The following HECW1 variants were observed in gnomAD, a reference collection of about 807,000 sequenced individuals.
HECW1 encodes the protein HECT, C2 and WW domain containing E3 ubiquitin protein ligase 1, also known as E3 ubiquitin-protein ligase HECW1.
Under a neutral mutation model 182.3 loss-of-function variants are expected in HECW1, and 61 were observed. That is an observed-to-expected ratio of 0.33 (90% CI 0.27 to 0.41). HECW1 has a LOEUF of 0.41. Ranked by LOEUF, HECW1 falls within the 10% of genes least tolerant of loss-of-function variation. The pLI is 1.00. For missense variants in HECW1, 1,739 were observed against 2,108.9 expected (o/e 0.82, Z 3.44); for synonymous variants, 859 against 832.6 (o/e 1.03, Z -0.55).
At chr7:43,350,437 C>T (rs1312047402) in intron 5 of HECW1, among the ~76,000 whole-genome samples, 1 of 152,136 alleles carries the variant, frequency 6.6e-6, no homozygotes, top group Admixed American at 6.5e-5. Flanking sequence ...AAGTTTTCCT[C>T]AATTATTCCC....
Position 43,445,135 on chromosome 7 carries a change from G to C in HECW1, c.1963G>C (p.Gly655Arg). The change falls in exon 11 of 30, where the codon GGG (glycine) becomes CGG (arginine). Residue 655 changes from glycine to arginine, a missense_variant. Gly to Arg is a moderately radical substitution (Grantham distance 125). Around this residue, in one of 5 missense-constraint regions of HECW1, gnomAD observed 971 missense variants for 1,029.1 expected, o/e 0.94. Coordinates refer to ENST00000395891, the MANE Select transcript of HECW1 (RefSeq NM_015052.5). ...AQDGDTHPST[G>R]SESDSSPRQG... ...GGATGGCGACACGCACCCCAGCACC[G>C]GGAGCGAGAGCGACTCCAGCCCCAG... 1.2e-6 allele frequency: 2 copies of C among 1,609,716 alleles called. No individual in the cohort carries two copies. The highest frequency in any genetic ancestry group is 1.7e-6 in the Non-Finnish European group (2 of 1,178,768).
chr7:43,247,424 G>A (rs913794089), intron 3 of HECW1, among the ~76,000 whole-genome samples: 1 of 152,154 alleles, frequency 6.6e-6, no homozygotes, highest in African/African-American at 2.4e-5. Context: ...ATAGCGGGAG[G>A]ATAGCTTGAG....
chr7:43,241,226 T>TAGA (rs1366951761), intron 2 of HECW1: 3 of 151,360 alleles, frequency 2.0e-5, no homozygotes, highest in South Asian at 4.2e-4. Context: ...GAGCAGGGAG[T>TAGA]AGAAGCACTC....
At chr7:43,324,750 A>G (rs1301552173) in intron 5 of HECW1, among the ~76,000 whole-genome samples, 2 of 152,266 alleles carry the variant, frequency 1.3e-5, no homozygotes, top group African/African-American at 4.8e-5. Context: ...CCAGATTTTA[A>G]ACATTGAAGT....
chr7:43,396,892 A>G lies in HECW1; in HGVS notation c.631+3A>G. The G allele has an allele frequency of 2.5e-6, 4 of 1,608,252 alleles. No homozygotes were observed. The highest frequency in any genetic ancestry group is 1.7e-6 in the Non-Finnish European group (2 of 1,175,546). ...GCTGATCAGCTTCTCTCTCTCAGGT[A>G]TGTTTTGCTCACCTGAGACTTTGTG... On this transcript the variant is annotated splice_donor_region_variant and intron_variant, in intron 7 of 29. Coordinates refer to ENST00000395891, the MANE Select transcript of HECW1 (RefSeq NM_015052.5).
intron 2 of HECW1, among the ~76,000 whole-genome samples, chr7:43,215,184 T>G (rs942093059): frequency 6.6e-6 from 1 of 152,256 alleles, no homozygotes; most frequent in Admixed American, 6.5e-5. Flanking sequence ...AGTGACTGTA[T>G]AGGCACCGCC....
At chr7:43,512,400 AGTT>A (rs780366024) in intron 24 of HECW1, among the ~76,000 whole-genome samples, 36 of 152,294 alleles carry the variant, frequency 2.4e-4, no homozygotes, top group Admixed American at 4.6e-4. Context: ...CAGCTTCAAA[AGTT>A]GTTGTTGGTT....
At chr7:43,186,434 G>A (rs1210227910) in intron 2 of HECW1, among the ~76,000 whole-genome samples, 2 of 152,066 alleles carry the variant, frequency 1.3e-5, no homozygotes, top group African/African-American at 2.4e-5. Flanking sequence ...TTGGGAGGCC[G>A]AGGCGGATGG....
At chr7:43,292,497 G>C (rs1330991461) in intron 3 of HECW1, among the ~76,000 whole-genome samples, 1 of 152,212 alleles carries the variant, frequency 6.6e-6, no homozygotes, top group Non-Finnish European at 1.5e-5. Flanking sequence ...CACAAAGTCA[G>C]AGTAGAATAG....
rs938128482 is a variant in HECW1, at chr7:43,529,481, T to C, written c.4020-11682T>C. ...GGGTACAATTCTAAATCACACTCCC[T>C]GACCTCAGAAAGTGCCACAGCAAAG... On this transcript the variant is annotated intron_variant, in intron 24 of 29. Coordinates refer to ENST00000395891, the MANE Select transcript of HECW1 (RefSeq NM_015052.5). 6.6e-5 allele frequency among the ~76,000 whole-genome samples: 10 copies of C among 152,194 alleles called. No individual in the cohort carries two copies. In the East Asian group the frequency reaches 1.9e-3, roughly 29 times the overall value.
At chr7:43,442,759 G>C (rs2076928553) in intron 10 of HECW1, 130 bp downstream of exon 10, 2 of 667,162 alleles carry the variant, frequency 3.0e-6, no homozygotes, top group East Asian at 5.9e-5. Context: ...CTCCATTTGA[G>C]GTCCAGAAGC....
At chr7:43,362,843 C>G (rs1816137610) in intron 6 of HECW1, among the ~76,000 whole-genome samples, 1 of 152,246 alleles carries the variant, frequency 6.6e-6, no homozygotes, top group Non-Finnish European at 1.5e-5. Flanking sequence ...CAGCAGTTCA[C>G]TGAATGAGGC....
intron 3 of HECW1, among the ~76,000 whole-genome samples, chr7:43,310,467 C>A (rs976323311): frequency 1.3e-5 from 2 of 152,170 alleles, no homozygotes; most frequent in African/African-American, 4.8e-5. Context: ...TCTGTCTTGT[C>A]TGCCTGTCAT....
intron 26 of HECW1, among the ~76,000 whole-genome samples, chr7:43,549,983 C>T (rs2081737850): frequency 6.6e-6 from 1 of 152,104 alleles, no homozygotes; most frequent in African/African-American, 2.4e-5. Flanking sequence ...TGTAGCCTTT[C>T]CAAGGTGCTT....
chr7:43,371,869 G>C (rs1420045105), intron 6 of HECW1, among the ~76,000 whole-genome samples: 1 of 152,202 alleles, frequency 6.6e-6, no homozygotes, highest in Non-Finnish European at 1.5e-5. Flanking sequence ...GCCCAGGCTA[G>C]AGTGCAATGG....
intron 6 of HECW1, among the ~76,000 whole-genome samples, chr7:43,378,997 G>T (rs2074441634): frequency 6.6e-6 from 1 of 152,094 alleles, no homozygotes; most frequent in Admixed American, 6.5e-5. Context: ...TGGGGGGGCG[G>T]TGTGCCCTTG....
At chr7:43,250,182 A>T (rs1258715984) in intron 3 of HECW1, among the ~76,000 whole-genome samples, 1 of 151,838 alleles carries the variant, frequency 6.6e-6, no homozygotes, top group African/African-American at 2.4e-5. Context: ...ATAAAACTGG[A>T]TTTGGTAGCA....
chr7:43,251,936 A>G (rs57214384), intron 3 of HECW1, among the ~76,000 whole-genome samples: 64,419 of 151,970 alleles, frequency 0.42, 15,378 homozygotes, highest in African/African-American at 0.65. Context: ...CATTCATCCA[A>G]GCTGGACCCA....
At chr7:43,340,706 T>C (rs1449480622) in intron 5 of HECW1, among the ~76,000 whole-genome samples, 2 of 151,786 alleles carry the variant, frequency 1.3e-5, no homozygotes, top group Admixed American at 1.3e-4. Flanking sequence ...TGTCGTCTGT[T>C]GGTGGGAGTG....
Sources: gnomAD v4.1 joint callset for allele counts (sites outside exome capture counted in the v4.1 genomes callset) on GRCh38, gnomAD v4.1.1 for gene constraint, gnomAD v4.1.1 regional missense constraint, MANE v1.5 for transcripts, NCBI Gene and HGNC (gene_info 2026-07-23, HGNC 2026-07-21) for gene names.